The following CDYL variants were observed in gnomAD, a reference collection of about 807,000 sequenced individuals.
The protein encoded by CDYL is chromodomain Y like.
CDYL carries 8 observed loss-of-function variants against 47.3 expected under a neutral mutation model. The observed-to-expected ratio is 0.17, with a 90% confidence interval of 0.10 to 0.31. The LOEUF (loss-of-function observed/expected upper bound fraction) is 0.31. Among genes scored for constraint, CDYL ranks in the 10% least tolerant of loss-of-function variants. CDYL has a pLI of 1.00. For missense variants in CDYL, 471 were observed against 701.4 expected, an observed-to-expected ratio of 0.67 and a Z score of 3.71; for synonymous variants, 266 against 265.0, an observed-to-expected ratio of 1.00 and a Z score of -0.04.
intron 2 of CDYL, among the ~76,000 whole-genome samples, chr6:4,725,506 G>A (rs532999448): frequency 5.3e-5 from 8 of 152,340 alleles, no homozygotes; most frequent in African/African-American, 1.7e-4. Context: ...GCTAAGGCCC[G>A]GCGAGAAGTC....
chr6:4,740,417 G>C (rs547269363), intron 3 of CDYL, among the ~76,000 whole-genome samples: 1 of 152,098 alleles, frequency 6.6e-6, no homozygotes, highest in African/African-American at 2.4e-5. Context: ...GGAGAGTGTC[G>C]AGGCCAGGGA....
chr6:4,802,097 T>C (rs892157817), intron 1 of CDYL, among the ~76,000 whole-genome samples: 3 of 152,168 alleles, frequency 2.0e-5, no homozygotes, highest in Admixed American at 2.0e-4. Context: ...TTTGCCCCCA[T>C]GTTTTGCAGC....
intron 2 of CDYL, among the ~76,000 whole-genome samples, chr6:4,733,600 C>T (rs1319955363): frequency 6.6e-6 from 1 of 152,198 alleles, no homozygotes; most frequent in African/African-American, 2.4e-5. Context: ...TTGTGCTGAA[C>T]AGACAGCCTT....
intron 3 of CDYL, among the ~76,000 whole-genome samples, chr6:4,738,943 C>T (rs980760783): frequency 4.6e-5 from 7 of 152,120 alleles, no homozygotes; most frequent in Admixed American, 3.9e-4. Flanking sequence ...AGGCAGATCA[C>T]CTGAGGTTGG....
intron 4 of CDYL, among the ~76,000 whole-genome samples, chr6:4,941,507 C>G (rs891538983): frequency 1.3e-5 from 2 of 152,206 alleles, no homozygotes; most frequent in African/African-American, 4.8e-5. Flanking sequence ...GGAAGGGGCT[C>G]TTTGCTCCAG....
chr6:4,803,164 C>T (rs1759274336), intron 1 of CDYL, among the ~76,000 whole-genome samples: 1 of 152,166 alleles, frequency 6.6e-6, no homozygotes, highest in Non-Finnish European at 1.5e-5. Flanking sequence ...TGGAAGTGTG[C>T]AAAGACCCTT....
chr6:4,814,274 A>T (rs1561650180), intron 1 of CDYL, among the ~76,000 whole-genome samples: 1 of 152,180 alleles, frequency 6.6e-6, no homozygotes, highest in Non-Finnish European at 1.5e-5. Context: ...ACTTTGTGTA[A>T]GCAGCTATTT....
intron 2 of CDYL, among the ~76,000 whole-genome samples, chr6:4,716,593 A>ATTTTTTTTT (rs35154777): frequency 8.3e-5 from 10 of 120,004 alleles, no homozygotes; most frequent in African/African-American, 2.9e-4. Flanking sequence ...GGCAGCAATA[A>ATTTTTTTTT]TTTTTTTTTT....
chr6:4,953,149 C>T (rs191521722), intron 6 of CDYL, among the ~76,000 whole-genome samples: 65 of 151,312 alleles, frequency 4.3e-4, no homozygotes, highest in African/African-American at 1.4e-3. Context: ...TTTGGGAGGC[C>T]GAGGAGGGCA....
intron 3 of CDYL, among the ~76,000 whole-genome samples, chr6:4,751,895 G>A (rs998329008): frequency 6.6e-6 from 1 of 152,192 alleles, no homozygotes; most frequent in Non-Finnish European, 1.5e-5. Context: ...TGCTATGGGG[G>A]TGTCTTTCCT....
At chr6:4,777,018 T>C (rs975032838) in intron 1 of CDYL, among the ~76,000 whole-genome samples, 1 of 57,142 alleles carries the variant, frequency 1.8e-5, no homozygotes, top group Non-Finnish European at 3.9e-5. Flanking sequence ...TTGCCGGGCG[T>C]GGGGTGGGGG....
chr6:4,949,762 G>A (rs1758640146), intron 5 of CDYL, among the ~76,000 whole-genome samples: 1 of 152,230 alleles, frequency 6.6e-6, no homozygotes, highest in East Asian at 1.9e-4. Context: ...CACGCAAATT[G>A]CGTGTATTTA....
chr6:4,722,803 G>A (rs1050648678), intron 2 of CDYL, among the ~76,000 whole-genome samples: 53 of 150,354 alleles, frequency 3.5e-4, no homozygotes, highest in African/African-American at 1.3e-3. Context: ...CTTGAACCCA[G>A]GGGGCAGAGG....
chr6:4,787,689 CAGAA>C (rs372083278), intron 1 of CDYL, among the ~76,000 whole-genome samples: 169 of 150,222 alleles, frequency 1.1e-3, no homozygotes, highest in African/African-American at 4.0e-3. Context: ...TCACCTTTGA[CAGAA>C]AGGCAGCTGG....
At chr6:4,827,788 G>T (rs1760020582) in intron 1 of CDYL, among the ~76,000 whole-genome samples, 3 of 152,086 alleles carry the variant, frequency 2.0e-5, no homozygotes, top group African/African-American at 7.2e-5. Context: ...CCGAGTAGCT[G>T]GGATTACAGG....
At chr6:4,819,116 T>TTTTCTC (rs1218777784) in intron 1 of CDYL, among the ~76,000 whole-genome samples, 1 of 76,672 alleles carries the variant, frequency 1.3e-5, no homozygotes, top group Non-Finnish European at 2.6e-5. Flanking sequence ...TTTAGGTTCG[T>TTTTCTC]TCTCTCTCTC....
intron 2 of CDYL, among the ~76,000 whole-genome samples, chr6:4,895,301 A>ATATATGTGCATATATGCATGTATG (rs1392324588): frequency 2.7e-4 from 3 of 11,254 alleles, no homozygotes; most frequent in African/African-American, 3.2e-4. Flanking sequence ...GCATGTATGT[A>ATATATGTGCATATATGCATGTATG]TATATGTGCA....
intron 5 of CDYL, among the ~76,000 whole-genome samples, chr6:4,946,173 C>T (rs1758511191): frequency 6.6e-6 from 1 of 152,114 alleles, no homozygotes; most frequent in African/African-American, 2.4e-5. Flanking sequence ...GGGTGGCCAG[C>T]GACCACCAGC....
chr6:4,709,015 T>A (rs563072099), intron 1 of CDYL, among the ~76,000 whole-genome samples: 27 of 151,814 alleles, frequency 1.8e-4, no homozygotes, highest in East Asian at 5.8e-4. Flanking sequence ...TTAAAAAAAA[T>A]AAAATAAAAT....
Sources: gnomAD v4.1 joint callset for allele counts (sites outside exome capture counted in the v4.1 genomes callset) on GRCh38, gnomAD v4.1.1 for gene constraint, MANE v1.5 for transcripts, NCBI Gene and HGNC (gene_info 2026-07-23, HGNC 2026-07-21) for gene names.